TDRD3: variants seen among roughly 807,000 people sequenced by gnomAD.
TDRD3 encodes tudor domain containing 3, also known as tudor domain-containing protein 3.
Under a neutral mutation model 86.7 loss-of-function variants are expected in TDRD3, and 45 were observed. The observed-to-expected ratio is 0.52, with a 90% CI of 0.41 to 0.67. The LOEUF (loss-of-function observed/expected upper bound fraction) is 0.67, where lower values mean the gene tolerates loss of function less well. Ranked by LOEUF, TDRD3 falls within the 30% of genes least tolerant of loss-of-function variation. TDRD3 has a pLI of 0.00. For missense variants in TDRD3, 814 were observed against 889.0 expected, an observed-to-expected ratio of 0.92 and a Z score of 1.07; for synonymous variants, 298 against 301.7, an observed-to-expected ratio of 0.99 and a Z score of 0.13.
intron 1 of TDRD3, among the ~76,000 whole-genome samples, chr13:60,414,377 T>G (rs1190861352): frequency 6.6e-6 from 1 of 152,156 alleles, no homozygotes; most frequent in South Asian, 2.1e-4. Context: ...CTGTAGCTGC[T>G]TTTGTGCTAC....
rs776901848 is a variant in TDRD3, at chr13:60,535,214, C to G, written c.2099C>G (p.Pro700Arg). 15 of 1,613,468 alleles carry G rather than the reference C, an allele frequency of 9.3e-6. 2 individuals are homozygous for G. The South Asian group carries it at 1.6e-4, about 18-fold the overall frequency. Residue 700 changes from proline (P) to arginine (R), a missense_variant, in exon 12 of 14, where the codon CCC (proline) becomes CGC (arginine). Coordinates refer to ENST00000377881, the MANE Select transcript of TDRD3 (RefSeq NM_001146070.2). ...GAGGTGCTACTGAGCAATATCAAGC[C>G]CATTCAAACAGAGGCATGGGTACGT... ...YEEVLLSNIK[P>R]IQTEAWEEEG...
At chr13:60,540,139 G>A (rs1423685883) in intron 12 of TDRD3, among the ~76,000 whole-genome samples, 3 of 152,072 alleles carry the variant, frequency 2.0e-5, no homozygotes, top group Non-Finnish European at 4.4e-5. Flanking sequence ...TACTGGTTCA[G>A]GTCACTGAAA....
chr13:60,400,498 C>A (rs768969234), intron 1 of TDRD3, among the ~76,000 whole-genome samples: 1 of 152,120 alleles, frequency 6.6e-6, no homozygotes, highest in Non-Finnish European at 1.5e-5. Flanking sequence ...GTAATCCCAG[C>A]ACTTTGGGAG....
Position 60,467,348 on chromosome 13 carries a change from A to G in TDRD3, c.464A>G (p.Glu155Gly), listed in dbSNP as rs1267228413. 1 of 1,613,906 alleles carries G rather than the reference A, an allele frequency of 6.2e-7. No homozygotes were observed. The highest frequency in any genetic ancestry group is 1.7e-4 in the Middle Eastern group (1 of 6,046). ...ACCACAGTTCTTGGTGGTGAAGTGG[A>G]ACACCTTATTGAGAAATGGGAGTTA... ...SNTTVLGGEV[E>G]HLIEKWELQR... The change falls in exon 5 of 14, where the codon GAA becomes GGA. Residue 155 changes from glutamate (E) to glycine (G), a missense_variant. Physicochemically the swap from Glu to Gly is moderately conservative, Grantham distance 98 (BLOSUM62 -2). Coordinates refer to ENST00000377881, the MANE Select transcript of TDRD3 (RefSeq NM_001146070.2).
intron 12 of TDRD3, among the ~76,000 whole-genome samples, chr13:60,545,570 A>G (rs1957920639): frequency 6.6e-6 from 1 of 152,108 alleles, no homozygotes. Context: ...CCACTTAATG[A>G]ATGACTTAGG....
At chr13:60,463,091 A>G (rs916241792) in intron 4 of TDRD3, among the ~76,000 whole-genome samples, 12 of 152,196 alleles carry the variant, frequency 7.9e-5, no homozygotes, top group African/African-American at 1.4e-4. Context: ...GTCTCTCACC[A>G]TATACAAAAA....
intron 1 of TDRD3, among the ~76,000 whole-genome samples, chr13:60,409,832 C>T (rs934252172): frequency 3.3e-5 from 5 of 152,102 alleles, no homozygotes; most frequent in Non-Finnish European, 7.4e-5. Flanking sequence ...GTTCGGAAGG[C>T]ATGATTGGTT....
chr13:60,539,148 A>C (rs1056443729), intron 12 of TDRD3, among the ~76,000 whole-genome samples: 2 of 152,118 alleles, frequency 1.3e-5, no homozygotes, highest in African/African-American at 2.4e-5. Flanking sequence ...TTAGGTGAGC[A>C]TCCTATCTTA....
At chr13:60,422,250 T>C (rs564103059) in intron 1 of TDRD3, among the ~76,000 whole-genome samples, 1 of 152,068 alleles carries the variant, frequency 6.6e-6, no homozygotes, top group South Asian at 2.1e-4. Context: ...TGAGACAAAA[T>C]AGAACTACAC....
At chr13:60,484,839 G>A in intron 6 of TDRD3, 1 of 341,080 alleles carries the variant, frequency 2.9e-6, no homozygotes, top group Non-Finnish European at 5.8e-6. Context: ...GAAAATAATA[G>A]TATATTTGTA....
chr13:60,543,771 A>G (rs1364104128), intron 12 of TDRD3, among the ~76,000 whole-genome samples: 1 of 152,016 alleles, frequency 6.6e-6, no homozygotes, highest in Admixed American at 6.5e-5. Context: ...TATTCCTGAA[A>G]TTTTGTCCCT....
intron 12 of TDRD3, among the ~76,000 whole-genome samples, chr13:60,565,581 A>T (rs1290440849): frequency 6.6e-6 from 1 of 152,172 alleles, no homozygotes; most frequent in Non-Finnish European, 1.5e-5. Flanking sequence ...TCTCTCAGCA[A>T]ATACAGTGTC....
At chr13:60,450,467 A>G (rs1241422138) in intron 3 of TDRD3, among the ~76,000 whole-genome samples, 2 of 152,176 alleles carry the variant, frequency 1.3e-5, no homozygotes, top group Non-Finnish European at 2.9e-5. Flanking sequence ...CCACTGGTAA[A>G]GTACTTTATC....
chr13:60,555,705 G>A (rs1189562429), intron 12 of TDRD3, among the ~76,000 whole-genome samples: 1 of 152,094 alleles, frequency 6.6e-6, no homozygotes. Context: ...TTGTTCTGAT[G>A]AGTATCATTT....
At chr13:60,538,662 G>A (rs1197835050) in intron 12 of TDRD3, among the ~76,000 whole-genome samples, 1 of 151,936 alleles carries the variant, frequency 6.6e-6, no homozygotes, top group Non-Finnish European at 1.5e-5. Context: ...AAAACATTAG[G>A]GGCAAAGAAA....
chr13:60,499,184 AAGACAC>A (rs1956779989), intron 8 of TDRD3, among the ~76,000 whole-genome samples: 2 of 152,220 alleles, frequency 1.3e-5, no homozygotes, highest in African/African-American at 4.8e-5. Flanking sequence ...AAGGACCTGA[AAGACAC>A]AGGGGTGATG....
intron 1 of TDRD3, among the ~76,000 whole-genome samples, chr13:60,399,918 G>T (rs1372836788): frequency 2.0e-5 from 3 of 152,120 alleles, no homozygotes; most frequent in Non-Finnish European, 4.4e-5. Flanking sequence ...TTATTTTTAA[G>T]CGCAGTTTTT....
intron 3 of TDRD3, among the ~76,000 whole-genome samples, chr13:60,447,360 CTT>C (rs1350302312): frequency 6.6e-6 from 1 of 152,208 alleles, no homozygotes; most frequent in East Asian, 1.9e-4. Context: ...GTTTTTGTGA[CTT>C]TTCATAAGTC....
At chr13:60,396,854 G>C (rs751265167), upstream of TDRD3, 2 of 152,572 alleles carry the variant, frequency 1.3e-5, no homozygotes, top group Non-Finnish European at 2.9e-5. Context: ...TTTGCTGCCC[G>C]CAACGTGACC....
Sources: gnomAD v4.1 joint callset for allele counts (sites outside exome capture counted in the v4.1 genomes callset) on GRCh38, gnomAD v4.1.1 for gene constraint, MANE v1.5 for transcripts, NCBI Gene and HGNC (gene_info 2026-07-23, HGNC 2026-07-21) for gene names.